EIF4G3: variants seen among roughly 807,000 people sequenced by gnomAD.
EIF4G3 encodes the protein eIF-4-gamma 3.
Under a neutral mutation model 186.4 loss-of-function variants are expected in EIF4G3, and 34 were observed. The ratio of observed to expected loss-of-function variants is 0.18; its 90% CI spans 0.14 to 0.24. The LOEUF (loss-of-function observed/expected upper bound fraction) is 0.24, where lower values mean the gene tolerates loss of function less well. Among genes scored for constraint, EIF4G3 ranks in the 10% least tolerant of loss-of-function variants. EIF4G3 has a pLI of 1.00. For missense variants in EIF4G3, 1,536 were observed against 1,948.5 expected (o/e 0.79, Z 3.99); for synonymous variants, 673 against 679.5 (o/e 0.99, Z 0.15).
intron 7 of EIF4G3, among the ~76,000 whole-genome samples, chr1:20,985,926 A>G (rs556494534): frequency 5.9e-5 from 9 of 152,206 alleles, no homozygotes; most frequent in East Asian, 3.9e-4. Flanking sequence ...TTTTCTCCCT[A>G]TATCACCTAT....
chr1:20,849,561 A>AT (rs748778221), intron 28 of EIF4G3, 31 bp from the exon 29 acceptor site: 2 of 1,048,208 alleles, frequency 1.9e-6, no homozygotes, highest in African/African-American at 3.3e-5. Context: ...AAAAAGTAAA[A>AT]ATAATAAAAA....
At chr1:20,973,883 T>C (rs1408304942) in intron 10 of EIF4G3, among the ~76,000 whole-genome samples, 2 of 152,186 alleles carry the variant, frequency 1.3e-5, no homozygotes, top group Non-Finnish European at 2.9e-5. Context: ...ATAATTACTA[T>C]CAAGCCAAAT....
At chr1:20,887,565 T>C (rs542953543) in intron 18 of EIF4G3, among the ~76,000 whole-genome samples, 1 of 151,654 alleles carries the variant, frequency 6.6e-6, no homozygotes, top group Non-Finnish European at 1.5e-5. Flanking sequence ...AAAGTTAGGG[T>C]TTCTGCAAAA....
At chr1:20,817,264 A>AAAAT (rs2061282221) in intron 34 of EIF4G3, 128 bp downstream of exon 34, 2 of 304,496 alleles carry the variant, frequency 6.6e-6, no homozygotes, top group African/African-American at 6.2e-5. Flanking sequence ...AAATAAATAA[A>AAAAT]AAAATAAATA....
chr1:20,819,357 G>A (rs1218108882), intron 33 of EIF4G3, among the ~76,000 whole-genome samples: 6 of 149,450 alleles, frequency 4.0e-5, no homozygotes, highest in East Asian at 1.9e-4. Flanking sequence ...TTGCTCTTTC[G>A]CTCAGGTTAC....
chr1:21,050,903 G>A lies in EIF4G3; in HGVS notation c.-104C>T, dbSNP rs2154576645. ...AGGGGACGATGCATGTCCCGGGGGC[G>A]TTGCCGCAAGATTTGGATGCCCCTT... On this transcript the variant is annotated 5_prime_UTR_variant, in exon 4 of 37. In the 5' UTR this introduces an upstream ATG that the reference lacks. Coordinates refer to ENST00000602326, the MANE Select transcript of EIF4G3 (RefSeq NM_001391906.1). The A allele has an allele frequency of 5.6e-6, 4 of 713,662 alleles. No homozygotes were observed. The highest frequency in any genetic ancestry group is 7.8e-6 in the Non-Finnish European group (3 of 384,048). The allele number at this position is 713,662 out of a possible 1,614,324, so 44.2% of individuals were successfully genotyped here. A position where few individuals can be genotyped will look rare whatever the true frequency, so the allele number is the denominator to read the frequency against.
chr1:20,817,559 CATATTAAT>C (rs760848712), intron 33 of EIF4G3, 21 bp from the exon 34 acceptor site: 36 of 1,493,782 alleles, frequency 2.4e-5, no homozygotes, highest in African/African-American at 4.2e-5. Flanking sequence ...AAAGGTGGAA[CATATTAAT>C]ATATTAATAT....
At chr1:20,975,370 T>TA (rs1320033405) in intron 10 of EIF4G3, among the ~76,000 whole-genome samples, 6 of 141,574 alleles carry the variant, frequency 4.2e-5, no homozygotes, top group East Asian at 2.0e-4. Context: ...GGTGATCTCT[T>TA]AAAAAAAACA....
intron 4 of EIF4G3, among the ~76,000 whole-genome samples, chr1:21,003,065 G>A (rs746666481): frequency 1.3e-5 from 2 of 150,240 alleles, no homozygotes; most frequent in Admixed American, 1.3e-4. Flanking sequence ...GCACAATCAC[G>A]GCTCACTGCA....
intron 3 of EIF4G3, among the ~76,000 whole-genome samples, chr1:21,082,018 C>T (rs891064960): frequency 1.7e-4 from 25 of 151,274 alleles, no homozygotes; most frequent in Admixed American, 4.0e-4. Context: ...GTCTCAAACT[C>T]CTGAGCTCAA....
At chr1:21,078,860 C>G (rs114616389) in intron 3 of EIF4G3, among the ~76,000 whole-genome samples, 1 of 152,064 alleles carries the variant, frequency 6.6e-6, no homozygotes, top group Non-Finnish European at 1.5e-5. Context: ...TGGCGTGCAC[C>G]GGTAGTCCCA....
chr1:21,067,626 T>C (rs2095293126), intron 3 of EIF4G3, among the ~76,000 whole-genome samples: 2 of 152,154 alleles, frequency 1.3e-5, no homozygotes, highest in African/African-American at 4.8e-5. Context: ...AAATGCTTTT[T>C]AAGAAAAATA....
chr1:20,941,483 T>C lies in EIF4G3; in HGVS notation c.1663+8A>G. ...AGCAAGCACGAGATTAATGGCAGAA[T>C]GGCTTACCTGGGACAGGGCTCCTTC... On this transcript the variant is annotated splice_region_variant and intron_variant, in intron 14 of 36. Transcript: ENST00000602326. 6.2e-7 allele frequency: 1 copy of C among 1,605,342 alleles called. No individual in the cohort carries two copies. The highest frequency in any genetic ancestry group is 8.5e-7 in the Non-Finnish European group (1 of 1,175,686).
chr1:21,040,733 A>G (rs774935840), intron 4 of EIF4G3, among the ~76,000 whole-genome samples: 1 of 152,182 alleles, frequency 6.6e-6, no homozygotes, highest in Non-Finnish European at 1.5e-5. Flanking sequence ...ATGGTCTGAG[A>G]AGGACTCCGT....
chr1:21,067,131 C>CTTTTTT (rs1392802757), intron 3 of EIF4G3, among the ~76,000 whole-genome samples: 264 of 122,504 alleles, frequency 2.2e-3, no homozygotes, highest in Non-Finnish European at 3.0e-3. Flanking sequence ...TTTTTCTTTT[C>CTTTTTT]TTTTTTTTTT....
chr1:21,133,266 C>G (rs577496109), intron 2 of EIF4G3, among the ~76,000 whole-genome samples: 1 of 152,226 alleles, frequency 6.6e-6, no homozygotes, highest in Admixed American at 6.5e-5. Flanking sequence ...GCTGTGTCAC[C>G]CAGGCTGGAG....
chr1:20,878,614 C>G (rs192746157), intron 20 of EIF4G3, among the ~76,000 whole-genome samples: 280 of 152,024 alleles, frequency 1.8e-3, no homozygotes, highest in Non-Finnish European at 2.8e-3. Context: ...CAGCAAGGCA[C>G]GACAATGAGT....
At chr1:21,141,729 G>A (rs755309017) in intron 2 of EIF4G3, among the ~76,000 whole-genome samples, 12 of 152,102 alleles carry the variant, frequency 7.9e-5, no homozygotes, top group Non-Finnish European at 4.4e-5. Context: ...AGGAGTTCAA[G>A]ACTAGCCTGG....
At chr1:20,913,606 A>G (rs1346458172) in intron 14 of EIF4G3, among the ~76,000 whole-genome samples, 2 of 152,186 alleles carry the variant, frequency 1.3e-5, no homozygotes, top group Non-Finnish European at 2.9e-5. Context: ...ATATCAAAGT[A>G]AAAGTCAAAT....
Sources: allele counts gnomAD v4.1 joint callset (sites outside exome capture counted in the v4.1 genomes callset), GRCh38; gene constraint gnomAD v4.1.1; transcripts MANE v1.5; gene names NCBI Gene and HGNC (gene_info 2026-07-23, HGNC 2026-07-21).